Variants in TTYH1 observed in about 807,000 individuals in gnomAD.
TTYH1 encodes tweety family member 1, also known as protein tweety homolog 1.
TTYH1 carries 33 observed loss-of-function variants against 61.2 expected under a neutral mutation model. That is an observed-to-expected ratio of 0.54 (90% CI 0.41 to 0.72). TTYH1 has a LOEUF of 0.72. Ranked by LOEUF, TTYH1 falls within the 30% of genes least tolerant of loss-of-function variation. TTYH1 has a pLI of 0.00. For missense variants in TTYH1, 538 were observed against 575.8 expected (o/e 0.93, Z 0.67); for synonymous variants, 308 against 266.4 (o/e 1.16, Z -1.52).
At position 54,435,835 on chromosome 19, in the gene TTYH1, TACGATGACACAG is replaced by T. The variant is rs2083537165; in HGVS notation, c.1285_1296del (p.Thr429_Asp432del). 3 of 1,613,528 alleles carry T rather than the reference TACGATGACACAG, an allele frequency of 1.9e-6. No individual in the cohort carries two copies. The highest frequency in any genetic ancestry group is 2.5e-6 in the Non-Finnish European group (3 of 1,179,972). On this transcript the variant is annotated inframe_deletion, in exon 12 of 14. Coordinates refer to ENST00000376530, the MANE Select transcript of TTYH1 (RefSeq NM_020659.4). ...CCCCGCATCAAACCCCAGTGACGAC[TACGATGACACAG>T]ACGATGACGACCCTTTCAACCCTCA...
At position 54,435,666 on chromosome 19, in the gene TTYH1, G is replaced by A; in HGVS notation, c.1250G>A (p.Trp417Ter). 1 of 1,610,386 alleles carries A rather than the reference G, an allele frequency of 6.2e-7. No individual in the cohort carries two copies. The highest frequency in any genetic ancestry group is 8.5e-7 in the Non-Finnish European group (1 of 1,178,488). The change falls in exon 11 of 14, where the codon TGG becomes TAG. Residue 417 changes from tryptophan (W) to a stop codon, truncating the protein, a stop_gained. Transcript: ENST00000376530. LOFTEE classifies it high-confidence loss of function. ...ATALCSLPRA[W>*]ALFPPSDDYD... ...GCCCTCTGCAGCCTGCCCCGAGCCT[G>A]GGCCCTCTTCCCACCCAGGTCAGGA...
intron 4 of TTYH1, among the ~76,000 whole-genome samples, chr19:54,422,928 C>T (rs1280916494): frequency 2.3e-5 from 2 of 85,376 alleles, no homozygotes; most frequent in Admixed American, 2.3e-4. Context: ...GACTCCATCT[C>T]AAAAAAAAAA....
chr19:54,428,221 C>T (rs1445158679), intron 5 of TTYH1, among the ~76,000 whole-genome samples: 1 of 150,448 alleles, frequency 6.6e-6, no homozygotes, highest in South Asian at 2.1e-4. Flanking sequence ...TCCCAAGTAG[C>T]TGGGATTACA....
intron 5 of TTYH1, among the ~76,000 whole-genome samples, chr19:54,427,989 C>T (rs1354928101): frequency 2.6e-5 from 4 of 151,750 alleles, no homozygotes; most frequent in African/African-American, 9.7e-5. Context: ...CGGCTCACTA[C>T]AGCCTCTGTC....
intron 4 of TTYH1, chr19:54,426,455 T>C (rs2083320980): frequency 1.7e-6 from 1 of 594,256 alleles, no homozygotes; most frequent in Non-Finnish European, 3.1e-6. Context: ...TCAGGACCTG[T>C]ATTCTAAACC....
intron 12 of TTYH1, 62 bp downstream of exon 12, chr19:54,435,935 G>A (rs1322829083): frequency 1.9e-6 from 3 of 1,602,158 alleles, no homozygotes; most frequent in East Asian, 2.3e-5. Context: ...GGGTCTGAGG[G>A]AGGAGGAGCT....
In TTYH1 at chr19:54,419,231, C is replaced by G. The variant is rs777256698; in HGVS notation, c.230C>G (p.Pro77Arg). ...IRFCCCRPPE[P>R]PGSKIPSPGG... is the part of the protein sequence containing the mutation. Reference sequence around the variant, plus strand: ...TTCTGCTGCTGCCGGCCCCCCGAGCCCCCCGGGTCCAAGATCCCCTCGCCC... The same window carrying G: ...TTCTGCTGCTGCCGGCCCCCCGAGCGCCCCGGGTCCAAGATCCCCTCGCCC... The change falls in exon 2 of 14, where the codon CCC becomes CGC. Residue 77 changes from proline (P) to arginine (R), a missense_variant. Pro to Arg is a moderately radical substitution (Grantham distance 103). Coordinates refer to ENST00000376530, the MANE Select transcript of TTYH1 (RefSeq NM_020659.4). This position sits in a 1 kb window ranked among gnomAD's most constrained non-coding sequence, Gnocchi z 6.1. 6.2e-7 allele frequency: 1 copy of G among 1,609,770 alleles called. No homozygotes were observed. Among genetic ancestry groups the G allele is most frequent in the Admixed American group, 1.7e-5 (1 of 60,010 alleles).
Position 54,419,345 on chromosome 19 carries a change from G to T in TTYH1, c.305+39G>T. ...AGGGTGGGTGGGCGGTGGGGACAGGGCTCCCCAAGCTCTTTGCTGGCCTTC... is the reference window on the plus strand; with the variant it reads ...AGGGTGGGTGGGCGGTGGGGACAGGTCTCCCCAAGCTCTTTGCTGGCCTTC... On this transcript the variant is annotated intron_variant, in intron 2 of 13. Coordinates refer to ENST00000376530, the MANE Select transcript of TTYH1 (RefSeq NM_020659.4). The surrounding 1 kb of genome is among the most constrained non-coding windows in gnomAD (Gnocchi z 6.1). 2 of 1,563,152 alleles carry T rather than the reference G, an allele frequency of 1.3e-6. No homozygotes were observed. Among genetic ancestry groups the T allele is most frequent in the Non-Finnish European group, 1.7e-6 (2 of 1,158,510 alleles).
intron 10 of TTYH1, chr19:54,435,160 C>T (rs184463856): frequency 2.7e-3 from 541 of 197,314 alleles, no homozygotes; most frequent in Non-Finnish European, 4.2e-3. Flanking sequence ...GCAGTTCTCA[C>T]GTTCCTGGGT....
At chr19:54,424,616 G>C (rs921044617) in intron 4 of TTYH1, among the ~76,000 whole-genome samples, 1 of 152,226 alleles carries the variant, frequency 6.6e-6, no homozygotes, top group Non-Finnish European at 1.5e-5. Flanking sequence ...GGGAAGTGGT[G>C]GGAGCCATAA....
At chr19:54,422,122 C>T (rs1159607302) in intron 3 of TTYH1, 68 bp from the exon 4 acceptor site, 7 of 1,355,914 alleles carry the variant, frequency 5.2e-6, no homozygotes, top group South Asian at 4.1e-5. Context: ...ACTTCTAAAA[C>T]CCCATGCCTC....
chr19:54,435,529 G>A lies in TTYH1; in HGVS notation c.1126-13G>A, dbSNP rs1280620990. The A allele has an allele frequency of 3.2e-6, 5 of 1,583,288 alleles. No homozygotes were observed. The highest frequency in any genetic ancestry group is 2.7e-5 in the African/African-American group (2 of 74,486). ...GGGTGGGGACGCATGGCCTGATGAC[G>A]CCCTCCCCTCAGGACTATGGTGCAG... On this transcript the variant is annotated splice_polypyrimidine_tract_variant and intron_variant, in intron 10 of 13. Transcript: ENST00000376530.
Position 54,421,261 on chromosome 19 carries a change from C to T in TTYH1, c.306-16C>T. On this transcript the variant is annotated splice_polypyrimidine_tract_variant and intron_variant, in intron 2 of 13. Coordinates refer to ENST00000376530, the MANE Select transcript of TTYH1 (RefSeq NM_020659.4). This position sits in a 1 kb window ranked among gnomAD's most constrained non-coding sequence, Gnocchi z 4.8. ...CTGGGACCCGCTGAGATTCCTCTCC[C>T]TCCTCCTCCGCTCAGCACTGGCATT... 1 of 1,576,362 alleles carries T rather than the reference C, an allele frequency of 6.3e-7. No individual in the cohort carries two copies. The highest frequency in any genetic ancestry group is 1.1e-5 in the South Asian group (1 of 90,354).
intron 12 of TTYH1, 28 bp downstream of exon 12, chr19:54,435,901 A>T (rs1251475154): frequency 1.9e-6 from 3 of 1,610,378 alleles, no homozygotes; most frequent in Admixed American, 1.7e-5. Flanking sequence ...CTGAGGGAGG[A>T]GGGGCGGGGG....
intron 5 of TTYH1, among the ~76,000 whole-genome samples, chr19:54,428,123 CTTG>C (rs1313227327): frequency 1.2e-4 from 13 of 107,826 alleles, no homozygotes; most frequent in Non-Finnish European, 2.1e-4. Flanking sequence ...CAATTTGGCT[CTTG>C]TTGTCCAGGC....
Position 54,416,317 on chromosome 19 carries a change from G to T in TTYH1, c.126+639G>T. On this transcript the variant is annotated intron_variant, in intron 1 of 13. Coordinates refer to ENST00000376530, the MANE Select transcript of TTYH1 (RefSeq NM_020659.4). This position sits in a 1 kb window ranked among gnomAD's most constrained non-coding sequence, Gnocchi z 7.0. ...GCCGAGATGAGGCTGGGTTTGGGGA[G>T]CCTCGGGATGACAGACCCGGGTCCC... 1 of 259,476 alleles carries T rather than the reference G, an allele frequency of 3.9e-6. No individual in the cohort carries two copies. 16.1% of individuals were successfully genotyped at this position (259,476 alleles called of 1,614,324 possible).
Position 54,428,437 on chromosome 19 carries a change from G to C in TTYH1, c.735-870G>C, listed in dbSNP as rs141634777. The stretch of plus-strand genomic sequence containing the variant: ...GATGGAGTCTTGCTATGTTGCCCAG[G>C]CTGGTCTCGAACTCCTGGCCTCAAG... On this transcript the variant is annotated intron_variant, in intron 5 of 13. Transcript: ENST00000376530. 1.5e-4 allele frequency among the ~76,000 whole-genome samples: 23 copies of C among 152,080 alleles called. No individual in the cohort carries two copies. In the East Asian group the frequency reaches 4.3e-3, roughly 28 times the overall value.
chr19:54,415,558 G>C lies in TTYH1; in HGVS notation c.6G>C (p.Gly2=), dbSNP rs1368627161. Residue 2 remains glycine, a synonymous_variant, in exon 1 of 14, where the codon GGG becomes GGC. Coordinates refer to ENST00000376530, the MANE Select transcript of TTYH1 (RefSeq NM_020659.4). The surrounding 1 kb of genome is among the most constrained non-coding windows in gnomAD (Gnocchi z 5.2). M[G]APPGYRPSAW... ...TGCCCCCTCCCCCGGGGGCCATGGGGGCGCCCCCGGGCTACCGGCCCTCAG... is the reference window on the plus strand; with the variant it reads ...TGCCCCCTCCCCCGGGGGCCATGGGCGCGCCCCCGGGCTACCGGCCCTCAG... 4 of 1,475,552 alleles carry C rather than the reference G, an allele frequency of 2.7e-6. No homozygotes were observed. The South Asian group carries it at 5.2e-5, about 19-fold the overall frequency. 91.4% of individuals were successfully genotyped at this position (1,475,552 alleles called of 1,614,324 possible).
rs1192310328 is a variant in TTYH1 at position 54,415,535 on chromosome 19, C to T, written c.-18C>T. On this transcript the variant is annotated 5_prime_UTR_variant, in exon 1 of 14. Transcript: ENST00000376530. This position sits in a 1 kb window ranked among gnomAD's most constrained non-coding sequence, Gnocchi z 5.2. ...CGCAGCCCCGGCGTCCGCCCCGCTG[C>T]CCCCTCCCCCGGGGGCCATGGGGGC... is the stretch of plus-strand genomic sequence containing the variant. The T allele has an allele frequency of 6.9e-7, 1 of 1,439,564 alleles. No individual in the cohort carries two copies. Among genetic ancestry groups the T allele is most frequent in the Non-Finnish European group, 9.1e-7 (1 of 1,100,438 alleles). 89.2% of individuals were successfully genotyped at this position (1,439,564 alleles called of 1,614,324 possible). A position where few individuals can be genotyped will look rare whatever the true frequency, so the allele number is the denominator to read the frequency against.
Sources: allele counts gnomAD v4.1 joint callset (sites outside exome capture counted in the v4.1 genomes callset), GRCh38; gene constraint gnomAD v4.1.1; non-coding constraint Gnocchi (gnomAD v3.1); transcripts MANE v1.5; gene names NCBI Gene and HGNC (gene_info 2026-07-23, HGNC 2026-07-21).